ADCY8: variants seen among roughly 807,000 people sequenced by gnomAD.
ADCY8 encodes adenylate cyclase 8, also known as adenylate cyclase type 8.
ADCY8 carries 51 observed loss-of-function variants against 119.7 expected under a neutral mutation model. The observed-to-expected ratio is 0.43, with a 90% CI of 0.34 to 0.54. The LOEUF is 0.54. Among genes scored for constraint, ADCY8 ranks in the 20% least tolerant of loss-of-function variants. ADCY8 has a pLI of 0.03. For synonymous variants in ADCY8, 665 were observed against 651.0 expected (o/e 1.02, Z -0.33); for missense variants, 1,383 against 1,598.8 (o/e 0.87, Z 2.30).
chr8:130,880,912 T>A (rs982982321), intron 8 of ADCY8, among the ~76,000 whole-genome samples: 1 of 152,172 alleles, frequency 6.6e-6, no homozygotes, highest in East Asian at 1.9e-4. Context: ...TCAGCAGCTG[T>A]CCAACGTCCT....
At chr8:130,946,417 C>A (rs116331747) in intron 3 of ADCY8, among the ~76,000 whole-genome samples, 4 of 152,164 alleles carry the variant, frequency 2.6e-5, no homozygotes, top group Non-Finnish European at 5.9e-5. Flanking sequence ...TGCCTGCTCC[C>A]TGGTATAGAT....
At chr8:130,846,895 CCTT>C (rs1254117323) in intron 11 of ADCY8, among the ~76,000 whole-genome samples, 5 of 59,130 alleles carry the variant, frequency 8.5e-5, no homozygotes, top group Admixed American at 4.1e-4. Context: ...CCCTTTCCTT[CCTT>C]CCTTCCTTCC....
At chr8:131,029,863 G>T (rs568554151) in intron 1 of ADCY8, among the ~76,000 whole-genome samples, 2 of 150,946 alleles carry the variant, frequency 1.3e-5, no homozygotes, top group African/African-American at 2.4e-5. Flanking sequence ...TGTGGGTGGG[G>T]GTGGAGTAGG....
At chr8:130,813,014 C>G (rs1292330534) in intron 14 of ADCY8, among the ~76,000 whole-genome samples, 1 of 149,598 alleles carries the variant, frequency 6.7e-6, no homozygotes, top group Non-Finnish European at 1.5e-5. Flanking sequence ...GTGGCACAAT[C>G]TCAACTCACT....
chr8:130,861,617 G>C (rs750154946), intron 9 of ADCY8, among the ~76,000 whole-genome samples: 1 of 152,122 alleles, frequency 6.6e-6, no homozygotes, highest in Non-Finnish European at 1.5e-5. Flanking sequence ...TATGTCATTG[G>C]TAGATAAACA....
At chr8:130,874,966 C>T (rs1368048401) in intron 8 of ADCY8, among the ~76,000 whole-genome samples, 6 of 152,024 alleles carry the variant, frequency 3.9e-5, no homozygotes, top group Non-Finnish European at 7.4e-5. Flanking sequence ...ACCCATGAAG[C>T]GTTACAATTG....
intron 8 of ADCY8, 81 bp from the exon 9 acceptor site, chr8:130,868,027 A>G: frequency 2.3e-6 from 2 of 869,956 alleles, no homozygotes; most frequent in Non-Finnish European, 3.5e-6. Context: ...AAGAAGAAAC[A>G]AGGCAATTAG....
chr8:131,039,088 G>A (rs1447735136), intron 1 of ADCY8, among the ~76,000 whole-genome samples: 1 of 152,194 alleles, frequency 6.6e-6, no homozygotes, highest in East Asian at 1.9e-4. Flanking sequence ...TGAGGGAGGG[G>A]AATGAGGAGC....
At chr8:130,980,372 T>A (rs11779286) in intron 2 of ADCY8, among the ~76,000 whole-genome samples, 28,162 of 151,996 alleles carry the variant, frequency 0.19, 5,359 homozygotes, top group African/African-American at 0.49. Context: ...ACCTAACTAG[T>A]TTTAGATTTT....
chr8:131,022,541 G>T lies in ADCY8; in HGVS notation c.960+16833C>A, dbSNP rs1010318491. Among the ~76,000 whole-genome samples the T allele has an allele frequency of 3.9e-5, 6 of 152,222 alleles. No homozygotes were observed. The East Asian group carries it at 1.2e-3, about 29-fold the overall frequency. Reference sequence around the variant, plus strand: ...CTATCATTGATGGGCATTTGGATTGGTCTTAAAGAAAGATGGTGAACTATG... The same window carrying T: ...CTATCATTGATGGGCATTTGGATTGTTCTTAAAGAAAGATGGTGAACTATG... On this transcript the variant is annotated intron_variant, in intron 1 of 17. Transcript: ENST00000286355.
At chr8:130,834,393 A>G (rs1816924611) in intron 12 of ADCY8, among the ~76,000 whole-genome samples, 1 of 152,220 alleles carries the variant, frequency 6.6e-6, no homozygotes. Context: ...ATATTTTAAA[A>G]ATCTAACAGT....
chr8:130,842,718 A>T (rs1817183007), intron 11 of ADCY8, among the ~76,000 whole-genome samples: 1 of 152,034 alleles, frequency 6.6e-6, no homozygotes, highest in Non-Finnish European at 1.5e-5. Context: ...ATAATAATAA[A>T]AAACTTAGCT....
chr8:131,019,526 A>G (rs564727476), intron 1 of ADCY8, among the ~76,000 whole-genome samples: 6 of 152,346 alleles, frequency 3.9e-5, no homozygotes, highest in African/African-American at 1.4e-4. Flanking sequence ...TGAGCCAGAT[A>G]GAAACAGGCC....
chr8:130,919,314 C>T lies in ADCY8; in HGVS notation c.1482-9448G>A, dbSNP rs1353663233. Among the ~76,000 whole-genome samples, 4 of 152,204 alleles carry T rather than the reference C, an allele frequency of 2.6e-5. No homozygotes were observed. The South Asian group carries it at 8.3e-4, about 32-fold the overall frequency. On this transcript the variant is annotated intron_variant, in intron 5 of 17. Transcript: ENST00000286355. ...TTTAACTCACACTCGCACACACACA[C>T]ACACACACCACACACATGATGTATG...
intron 7 of ADCY8, 23 bp from the exon 8 acceptor site, chr8:130,884,784 C>T: frequency 6.2e-7 from 1 of 1,606,594 alleles, no homozygotes; most frequent in Non-Finnish European, 8.5e-7. Context: ...CACATGCAAA[C>T]ACAATAAACC....
At chr8:130,808,897 C>T (rs921514814) in intron 14 of ADCY8, among the ~76,000 whole-genome samples, 2 of 37,434 alleles carry the variant, frequency 5.3e-5, no homozygotes, top group Non-Finnish European at 1.5e-4. Context: ...TTTTCAACAA[C>T]TCCTCATAAA....
intron 7 of ADCY8, chr8:130,892,626 G>A (rs1462918364): frequency 6.6e-6 from 1 of 152,160 alleles, no homozygotes; most frequent in African/African-American, 2.4e-5. Flanking sequence ...CTGTCTTCCT[G>A]GTGTGCTTTG....
At chr8:130,985,466 G>A (rs894315489) in intron 2 of ADCY8, among the ~76,000 whole-genome samples, 39 of 152,286 alleles carry the variant, frequency 2.6e-4, no homozygotes, top group African/African-American at 9.4e-4. Context: ...TAACAGATAA[G>A]GCTGAACATG....
At chr8:130,867,747 T>C in intron 9 of ADCY8, 99 bp downstream of exon 9, 1 of 788,586 alleles carries the variant, frequency 1.3e-6, no homozygotes, top group Non-Finnish European at 2.0e-6. Context: ...TGGACTCAGT[T>C]ATTTTAAATT....
Sources: gnomAD v4.1 joint callset for allele counts (sites outside exome capture counted in the v4.1 genomes callset) on GRCh38, gnomAD v4.1.1 for gene constraint, MANE v1.5 for transcripts, NCBI Gene and HGNC (gene_info 2026-07-23, HGNC 2026-07-21) for gene names.